KIRREL3: variants seen among roughly 807,000 people sequenced by gnomAD.
KIRREL3 encodes kin of IRRE-like protein 3.
In KIRREL3, 36 loss-of-function variants were observed where a neutral mutation model predicts 89.7. That is an observed-to-expected ratio of 0.40 (90% CI 0.31 to 0.53). KIRREL3 has a LOEUF of 0.53. Among genes scored for constraint, KIRREL3 ranks in the 20% least tolerant of loss-of-function variants. The pLI, the probability that KIRREL3 is intolerant of heterozygous loss-of-function variation, is 0.49. For missense variants in KIRREL3, 864 were observed against 1,056.6 expected (o/e 0.82, Z 2.53); for synonymous variants, 445 against 441.4 (o/e 1.01, Z -0.10).
intron 1 of KIRREL3, among the ~76,000 whole-genome samples, chr11:126,834,701 C>T (rs1943721612): frequency 6.6e-6 from 1 of 152,226 alleles, no homozygotes; most frequent in East Asian, 1.9e-4. Context: ...TCCTTGAAGG[C>T]CTTCCTCACC....
rs938818405 is a variant in KIRREL3, at chr11:126,769,753, T to A, written c.56-206841A>T. Reference sequence around the variant, plus strand: ...TCCAGGGGCAAGGTGGAGGGTGCAGTGGTTTCCAGCTGGGGTTCTGGAATC... The same window carrying A: ...TCCAGGGGCAAGGTGGAGGGTGCAGAGGTTTCCAGCTGGGGTTCTGGAATC... On this transcript the variant is annotated intron_variant, in intron 1 of 16. Coordinates refer to ENST00000525144, the MANE Select transcript of KIRREL3 (RefSeq NM_032531.4). This position sits in a 1 kb window ranked among gnomAD's most constrained non-coding sequence, Gnocchi z 4.3. Among the ~76,000 whole-genome samples the A allele has an allele frequency of 5.3e-5, 8 of 152,290 alleles. No homozygotes were observed. The highest frequency in any genetic ancestry group is 1.7e-4 in the African/African-American group (7 of 41,566).
At position 126,622,483 on chromosome 11, in the gene KIRREL3, A is replaced by T. The variant is rs1943612839; in HGVS notation, c.56-59571T>A. Among the ~76,000 whole-genome samples, 2 of 152,098 alleles carry T rather than the reference A, an allele frequency of 1.3e-5. No individual in the cohort carries two copies. The highest frequency in any genetic ancestry group is 1.3e-4 in the Admixed American group (2 of 15,274). On this transcript the variant is annotated intron_variant, in intron 1 of 16. Transcript: ENST00000525144. This position sits in a 1 kb window ranked among gnomAD's most constrained non-coding sequence, Gnocchi z 5.2. ...TTCCCTGCAGCAATTGTGTCCCAAG[A>T]TCTGACACACTCTTATCAGGGCCCC...
intron 10 of KIRREL3, chr11:126,440,756 A>G (rs1250666010): frequency 6.5e-6 from 4 of 613,702 alleles, no homozygotes; most frequent in South Asian, 3.8e-5. Context: ...TCATGAGCGA[A>G]TGCTTCTAAG....
intron 1 of KIRREL3, among the ~76,000 whole-genome samples, chr11:126,573,928 C>T (rs1591761686): frequency 6.6e-6 from 1 of 152,092 alleles, no homozygotes; most frequent in Non-Finnish European, 1.5e-5. Flanking sequence ...GTTTTGTCTG[C>T]CTGCCAGTCA....
rs1023268657 is a variant in KIRREL3 at position 126,948,228 on chromosome 11, C to G, written c.55+52227G>C. Among the ~76,000 whole-genome samples the G allele has an allele frequency of 4.6e-5, 7 of 151,942 alleles. No homozygotes were observed. The highest frequency in any genetic ancestry group is 1.7e-4 in the African/African-American group (7 of 41,360). On this transcript the variant is annotated intron_variant, in intron 1 of 16. Transcript: ENST00000525144. The surrounding 1 kb of genome is among the most constrained non-coding windows in gnomAD (Gnocchi z 4.5). ...TTTCTCCTTTGATTTAATAAGAAAC[C>G]AATTCTATATTATTGAAATTGTACT...
At chr11:126,451,078 T>G (rs1265988113) in intron 7 of KIRREL3, among the ~76,000 whole-genome samples, 1 of 145,316 alleles carries the variant, frequency 6.9e-6, no homozygotes, top group Admixed American at 7.0e-5. Context: ...TGCATGTGTG[T>G]GCGTGTGTGC....
intron 1 of KIRREL3, among the ~76,000 whole-genome samples, chr11:126,889,389 C>T (rs55729246): frequency 0.096 from 14,621 of 152,222 alleles, 823 homozygotes; most frequent in Middle Eastern, 0.14. Context: ...ATCATTACTG[C>T]GTGATCAGTA....
At chr11:126,916,197 G>A (rs1947030306) in intron 1 of KIRREL3, among the ~76,000 whole-genome samples, 1 of 152,148 alleles carries the variant, frequency 6.6e-6, no homozygotes, top group South Asian at 2.1e-4. Flanking sequence ...AATAACTTAA[G>A]ATCTTATGGC....
At chr11:126,447,066 G>A (rs1955848273) in intron 8 of KIRREL3, among the ~76,000 whole-genome samples, 180 bp from the exon 9 acceptor site, 1 of 152,188 alleles carries the variant, frequency 6.6e-6, no homozygotes, top group South Asian at 2.1e-4. Flanking sequence ...GGATCTGGGA[G>A]TGGGACTCAG....
intron 1 of KIRREL3, among the ~76,000 whole-genome samples, chr11:126,967,465 C>CAAT (rs913930309): frequency 6.6e-6 from 1 of 152,068 alleles, no homozygotes; most frequent in African/African-American, 2.4e-5. Context: ...AGCTGCCTTG[C>CAAT]AATAATAATA....
intron 1 of KIRREL3, among the ~76,000 whole-genome samples, chr11:126,585,519 C>A (rs889413595): frequency 1.3e-5 from 2 of 152,346 alleles, no homozygotes; most frequent in African/African-American, 4.8e-5. Context: ...CAGGCATGAG[C>A]CACCGCGCCC....
At chr11:126,464,003 T>C (rs1191610858) in intron 5 of KIRREL3, among the ~76,000 whole-genome samples, 1 of 152,188 alleles carries the variant, frequency 6.6e-6, no homozygotes, top group Non-Finnish European at 1.5e-5. Context: ...CATTTCAAGT[T>C]GGTCCTGAAA....
Position 126,734,292 on chromosome 11 carries a change from T to C in KIRREL3, c.56-171380A>G, listed in dbSNP as rs1948731263. 6.6e-6 allele frequency among the ~76,000 whole-genome samples: 1 copy of C among 152,316 alleles called. No individual in the cohort carries two copies. Among genetic ancestry groups the C allele is most frequent in the African/African-American group, 2.4e-5 (1 of 41,570 alleles). ...GTTCTTGGGGTCATTTATAAATAAG[T>C]GCTATACTTTAAATACTGTGTTCAT... On this transcript the variant is annotated intron_variant, in intron 1 of 16. Transcript: ENST00000525144. The surrounding 1 kb of genome is among the most constrained non-coding windows in gnomAD (Gnocchi z 5.9).
intron 1 of KIRREL3, among the ~76,000 whole-genome samples, chr11:126,853,490 T>C (rs1006222166): frequency 3.9e-5 from 6 of 152,238 alleles, no homozygotes; most frequent in Admixed American, 6.5e-5. Context: ...AGTTTTAATA[T>C]GCTTTTCATG....
rs905054183 is a variant in KIRREL3 at position 126,909,978 on chromosome 11, T to G, written c.55+90477A>C. 3.3e-5 allele frequency among the ~76,000 whole-genome samples: 5 copies of G among 152,282 alleles called. No individual in the cohort carries two copies. In the South Asian group the frequency reaches 1.0e-3, roughly 32 times the overall value. On this transcript the variant is annotated intron_variant, in intron 1 of 16. Coordinates refer to ENST00000525144, the MANE Select transcript of KIRREL3 (RefSeq NM_032531.4). The surrounding 1 kb of genome is among the most constrained non-coding windows in gnomAD (Gnocchi z 4.5). The stretch of plus-strand genomic sequence containing the variant: ...ATGGAAAGCGGGCAATTTGTTAAGG[T>G]TGCAGAGCAGCAGTTCCAGGGTTGT...
intron 1 of KIRREL3, among the ~76,000 whole-genome samples, chr11:126,816,244 C>T (rs944140480): frequency 1.3e-5 from 2 of 152,162 alleles, no homozygotes; most frequent in African/African-American, 4.8e-5. Flanking sequence ...AGGTAAATAA[C>T]AAGGACAGTA....
intron 1 of KIRREL3, among the ~76,000 whole-genome samples, chr11:126,921,615 TA>T (rs1565419547): frequency 6.8e-5 from 3 of 43,840 alleles, no homozygotes; most frequent in African/African-American, 6.3e-4. Context: ...TCTATCTATC[TA>T]TCTATCTTCC....
At chr11:126,828,237 C>G (rs532415470) in intron 1 of KIRREL3, among the ~76,000 whole-genome samples, 1 of 152,174 alleles carries the variant, frequency 6.6e-6, no homozygotes, top group East Asian at 1.9e-4. Context: ...TTAATCCCAA[C>G]GCCCACCCCC....
intron 1 of KIRREL3, among the ~76,000 whole-genome samples, chr11:126,880,353 A>G (rs1945451528): frequency 6.6e-6 from 1 of 152,214 alleles, no homozygotes; most frequent in Non-Finnish European, 1.5e-5. Flanking sequence ...CTGAGAGAAC[A>G]TCAGTCAAAT....
Sources: gnomAD v4.1 joint callset for allele counts (sites outside exome capture counted in the v4.1 genomes callset) on GRCh38, gnomAD v4.1.1 for gene constraint, Gnocchi (gnomAD v3.1) non-coding constraint, MANE v1.5 for transcripts, NCBI Gene and HGNC (gene_info 2026-07-23, HGNC 2026-07-21) for gene names.